The following TTN variants were observed in gnomAD, a reference collection of about 807,000 sequenced individuals.
The protein encoded by TTN is titin, also known as connectin.
In TTN, 1,525 loss-of-function variants were observed where a neutral mutation model predicts 3,223.0. The ratio of observed to expected loss-of-function variants is 0.47; its 90% CI spans 0.45 to 0.49. TTN has a LOEUF of 0.49. Among genes scored for constraint, TTN ranks in the 20% least tolerant of loss-of-function variants. The probability of loss-of-function intolerance (pLI) is 0.00; values close to 1 mark genes in which losing one functional copy is unlikely to be tolerated. For synonymous variants in TTN, 14,094 were observed against 15,161.0 expected (o/e 0.93, Z 5.17); for missense variants, 40,786 against 43,424.0 (o/e 0.94, Z 5.40).
chr2:178,650,296 T>C, intron 209 of TTN, 25 bp from the exon 210 acceptor site: 2 of 1,522,766 alleles, frequency 1.3e-6, no homozygotes, highest in South Asian at 2.5e-5. Context: ...GTTAATTTTA[T>C]TTCAATGTAT....
At position 178,707,778 on chromosome 2, in the gene TTN, T is replaced by C. The variant is rs761562146; in HGVS notation, c.28789A>G (p.Thr9597Ala). The change falls in exon 100 of 363, where the codon ACT becomes GCT. Residue 9597 changes from threonine to alanine, a missense_variant. Coordinates refer to ENST00000589042, the MANE Select transcript of TTN (RefSeq NM_001267550.2). ...TCTCCTTCACTCACTGTTACTGGAG[T>C]AAGGTGCTGATCAAATACAGGTGGC... ...KKPPVFDQHLTPVTVSEGEYV... is the reference protein window; with the variant it reads ...KKPPVFDQHLAPVTVSEGEYV... 2.5e-6 allele frequency: 4 copies of C among 1,612,064 alleles called. No individual in the cohort carries two copies. In the African/African-American group the frequency reaches 5.3e-5, roughly 22 times the overall value.
In TTN at chr2:178,777,539, T is replaced by C. The variant is rs794729575; in HGVS notation, c.4526A>G (p.Glu1509Gly). Residue 1509 changes from glutamate to glycine, a missense_variant, in exon 26 of 363, where the codon GAA becomes GGA. Transcript: ENST00000589042. ...NDYTHKVVIK[E>G]DGTQSLIIVP... ...AATAATTAGTGATTGAGTACCATCT[T>C]CTTTAATGACTACTTTATGGGTATA... 6.8e-6 allele frequency: 11 copies of C among 1,614,000 alleles called. No individual in the cohort carries two copies. The highest frequency in any genetic ancestry group is 9.3e-6 in the Non-Finnish European group (11 of 1,179,954).
chr2:178,735,822 G>C lies in TTN; in HGVS notation c.14624C>G (p.Ala4875Gly), dbSNP rs369989679. 1.1e-5 allele frequency: 18 copies of C among 1,613,734 alleles called. No individual in the cohort carries two copies. In the East Asian group the frequency reaches 2.9e-4, roughly 26 times the overall value. ...GATCAACTCTGCTTGGCAGATGTCT[G>C]CTCCAAACTTGTTGGAAGCCTTACA... ...YSCKASNKFG[A>G]DICQAELIII... The change falls in exon 50 of 363, where the codon GCA becomes GGA. Residue 4875 changes from alanine (A) to glycine (G), a missense_variant. Transcript: ENST00000589042.
Position 178,567,496 on chromosome 2 carries a change from T to C in TTN, c.78636A>G (p.Arg26212=). The change falls in exon 326 of 363, where the codon AGA becomes AGG. Residue 26212 remains arginine (R), a synonymous_variant. Coordinates refer to ENST00000589042, the MANE Select transcript of TTN (RefSeq NM_001267550.2). ...TIVVNAGETF[R]LEADVHGKPL... ...GCTTTCCATGGACATCAGCCTCAAG[T>C]CTGAATGTTTCTCCAGCATTTACCA... 3 of 1,613,056 alleles carry C rather than the reference T, an allele frequency of 1.9e-6. No individual in the cohort carries two copies. The highest frequency in any genetic ancestry group is 2.5e-6 in the Non-Finnish European group (3 of 1,179,462).
intron 44 of TTN, among the ~76,000 whole-genome samples, chr2:178,758,337 T>C (rs1340478920): frequency 6.6e-6 from 1 of 152,210 alleles, no homozygotes; most frequent in African/African-American, 2.4e-5. Context: ...ATGTACTTAA[T>C]ACTACATAGA....
chr2:178,637,509 T>G (rs72650075), intron 223 of TTN, 90 bp from the exon 224 acceptor site: 31 of 677,334 alleles, frequency 4.6e-5, no homozygotes, highest in Non-Finnish European at 6.5e-5. Context: ...CATGCTCCAT[T>G]ATAAATATTA....
rs191961524 is a variant in TTN, at chr2:178,550,035, G to T, written c.91803C>A (p.Ala30601=). Residue 30601 remains alanine, a synonymous_variant, in exon 337 of 363, where the codon GCC becomes GCA. Coordinates refer to ENST00000589042, the MANE Select transcript of TTN (RefSeq NM_001267550.2). ...CTTTTGCAGAACCAGATGCATTTTT[G>T]GCTTCCACTGTGTATACACCACGAT... ...RDHRGVYTVE[A]KNASGSAKAE... 5 of 1,609,862 alleles carry T rather than the reference G, an allele frequency of 3.1e-6. No individual in the cohort carries two copies. The highest frequency in any genetic ancestry group is 3.4e-5 in the Admixed American group (2 of 59,530).
At position 178,776,874 on chromosome 2, in the gene TTN, G is replaced by C; in HGVS notation, c.4990C>G (p.Arg1664Gly). ...PEPERKLIIP[R>G]GTYRAKEIAA... ...ATCTCCTTTGCTCTATATGTCCCCC[G>C]TGGGATGATTAACTTTCTCTCTGGC... Residue 1664 changes from arginine (R) to glycine (G), a missense_variant, in exon 28 of 363, where the codon CGG becomes GGG. By Grantham distance (125) the Arg-to-Gly change is moderately radical (BLOSUM62 -2). Transcript: ENST00000589042. 6.2e-7 allele frequency: 1 copy of C among 1,613,166 alleles called. No individual in the cohort carries two copies. The highest frequency in any genetic ancestry group is 1.3e-5 in the African/African-American group (1 of 74,870).
In TTN at chr2:178,679,879, G is replaced by A. The variant is rs1317479691; in HGVS notation, c.33580+15C>T. 1.9e-6 allele frequency: 3 copies of A among 1,612,128 alleles called. No homozygotes were observed. In the Admixed American group the frequency reaches 5.0e-5, roughly 27 times the overall value. Reference sequence around the variant, plus strand: ...AGATGCTGTTGCACAGCCCTTTGCAGGAGGCATCATCTACCTTTGACTGGT... The same window carrying A: ...AGATGCTGTTGCACAGCCCTTTGCAAGAGGCATCATCTACCTTTGACTGGT... On this transcript the variant is annotated intron_variant, in intron 140 of 362. Transcript: ENST00000589042.
At chr2:178,691,909 T>C in intron 121 of TTN, 107 bp downstream of exon 121, 1 of 853,782 alleles carries the variant, frequency 1.2e-6, no homozygotes, top group Non-Finnish European at 1.7e-6. Context: ...ACAAGAAGAA[T>C]GTAAAAGAGA....
chr2:178,560,927 G>A lies in TTN; in HGVS notation c.85205C>T (p.Ala28402Val). The change falls in exon 326 of 363, where the codon GCA becomes GTA. Residue 28402 changes from alanine to valine, a missense_variant. Transcript: ENST00000589042. ...GTCTGTTGAGATGATTTCTGTTCTT[G>A]CTCTTTCTTCAATTTCTATACCATC... ...AKDGIEIEER[A>V]RTEIISTDNH... 2 of 1,613,752 alleles carry A rather than the reference G, an allele frequency of 1.2e-6. No individual in the cohort carries two copies. The highest frequency in any genetic ancestry group is 1.1e-5 in the South Asian group (1 of 91,068).
Position 178,802,184 on chromosome 2 carries a change from G to C in TTN, c.249C>G (p.Thr83=). ...ANSGRYSLKA[T]NGSGQATSTA... ...TACTAGTCGCTTGTCCAGATCCATT[G>C]GTGGCTTTCAGGGAATATCGTCCAC... Residue 83 remains threonine (T), a synonymous_variant, in exon 3 of 363, where the codon ACC becomes ACG. Coordinates refer to ENST00000589042, the MANE Select transcript of TTN (RefSeq NM_001267550.2). 6.2e-7 allele frequency: 1 copy of C among 1,614,140 alleles called. No homozygotes were observed.
In TTN at chr2:178,679,717, G is replaced by T. The variant is rs766553969; in HGVS notation, c.33581-35C>A. The T allele has an allele frequency of 1.2e-5, 19 of 1,576,224 alleles. 1 individual carries two copies. Among genetic ancestry groups the T allele is most frequent in the Non-Finnish European group, 1.2e-5 (14 of 1,163,588 alleles). On this transcript the variant is annotated intron_variant, in intron 140 of 362. Transcript: ENST00000589042. ...TATTATTAAGAATGTTGGAAATTTT[G>T]CAGGAAAGAAATAAAATGTGAAAAG...
Position 178,692,515 on chromosome 2 carries a change from C to T in TTN, c.31660G>A (p.Glu10554Lys), listed in dbSNP as rs1352006092. The T allele has an allele frequency of 1.9e-6, 3 of 1,585,276 alleles. No individual in the cohort carries two copies. Among genetic ancestry groups the T allele is most frequent in the South Asian group, 1.2e-5 (1 of 86,382 alleles). Residue 10554 changes from glutamate (E) to lysine (K), a missense_variant, in exon 120 of 363, where the codon GAG (glutamate) becomes AAG (lysine). By Grantham distance (56) the Glu-to-Lys change is moderately conservative. Coordinates refer to ENST00000589042, the MANE Select transcript of TTN (RefSeq NM_001267550.2). Reference sequence around the variant, plus strand: ...ATTCTACCTTTTGGTGCTGGGGGCTCCACTTTTTTAGGGATAGGAACAGGG... The same window carrying T: ...ATTCTACCTTTTGGTGCTGGGGGCTTCACTTTTTTAGGGATAGGAACAGGG... The part of the protein sequence containing the change: ...VAPVPIPKKV[E>K]PPAPKVPEVP...
rs761596321 is a variant in TTN at position 178,578,191 on chromosome 2, A to G, written c.68330-6T>C. 76 of 1,609,282 alleles carry G rather than the reference A, an allele frequency of 4.7e-5. No individual in the cohort carries two copies. The East Asian group carries it at 1.7e-3, about 35-fold the overall frequency. On this transcript the variant is annotated splice_polypyrimidine_tract_variant and splice_region_variant and intron_variant, in intron 321 of 362. Coordinates refer to ENST00000589042, the MANE Select transcript of TTN (RefSeq NM_001267550.2). ...CTTGAACTCGAGATGATACCCTACA[A>G]AAGACCCAGGGATGTATCAAGTATA...
chr2:178,683,004 C>T (rs1577360902), intron 134 of TTN, 101 bp from the exon 135 acceptor site: 1 of 1,204,118 alleles, frequency 8.3e-7, no homozygotes, highest in Non-Finnish European at 1.2e-6. Flanking sequence ...GCGTTTGTTT[C>T]ATGCACTGAT....
rs376140223 is a variant in TTN, at chr2:178,617,856, C to T, written c.47495G>A (p.Arg15832Gln). 8 of 1,612,452 alleles carry T rather than the reference C, an allele frequency of 5.0e-6. No individual in the cohort carries two copies. The highest frequency in any genetic ancestry group is 4.4e-5 in the South Asian group (4 of 91,034). Residue 15832 changes from arginine (R) to glutamine (Q), a missense_variant, in exon 253 of 363, where the codon CGA (arginine) becomes CAA (glutamine). Arg to Gln is a conservative substitution (Grantham distance 43). Coordinates refer to ENST00000589042, the MANE Select transcript of TTN (RefSeq NM_001267550.2). ...TCCAATTCGATTTTGGGCTCTCACT[C>T]GGAAACTGTACTCCTGTCCTTCTAC... ...DVVEGQEYSFRVRAQNRIGVG... is the reference protein window; with the variant it reads ...DVVEGQEYSFQVRAQNRIGVG...
intron 47 of TTN, among the ~76,000 whole-genome samples, chr2:178,752,483 A>G (rs2085826089): frequency 6.6e-6 from 1 of 152,086 alleles, no homozygotes; most frequent in Non-Finnish European, 1.5e-5. Context: ...TACAAGAACT[A>G]TAACCATAAA....
At position 178,599,446 on chromosome 2, in the gene TTN, C is replaced by A; in HGVS notation, c.56348-1G>T. Reference sequence around the variant, plus strand: ...GGTCCCACTGGAGGGCCAGGACGACCTAAAATGGTTTAAAGAAGGAACCCT... The same window carrying A: ...GGTCCCACTGGAGGGCCAGGACGACATAAAATGGTTTAAAGAAGGAACCCT... On this transcript the variant is annotated splice_acceptor_variant, in intron 289 of 362. Coordinates refer to ENST00000589042, the MANE Select transcript of TTN (RefSeq NM_001267550.2). LOFTEE classifies it high-confidence loss of function. The A allele has an allele frequency of 6.6e-7, 1 of 1,522,704 alleles. No individual in the cohort carries two copies. The highest frequency in any genetic ancestry group is 1.4e-5 in the South Asian group (1 of 73,116). 94.3% of individuals were successfully genotyped at this position (1,522,704 alleles called of 1,614,324 possible).
Sources: allele counts gnomAD v4.1 joint callset (sites outside exome capture counted in the v4.1 genomes callset), GRCh38; gene constraint gnomAD v4.1.1; transcripts MANE v1.5; gene names NCBI Gene and HGNC (gene_info 2026-07-23, HGNC 2026-07-21).